RYR2: variants seen among roughly 807,000 people sequenced by gnomAD.
RYR2 encodes the protein cardiac muscle ryanodine receptor-calcium release channel.
RYR2 carries 227 observed loss-of-function variants against 601.1 expected under a neutral mutation model. The ratio of observed to expected loss-of-function variants is 0.38; its 90% CI spans 0.34 to 0.42. RYR2 has a LOEUF of 0.42. Among genes scored for constraint, RYR2 ranks in the 10% least tolerant of loss-of-function variants. RYR2 has a pLI of 1.00. For synonymous variants in RYR2, 2,223 were observed against 2,175.1 expected (o/e 1.02, Z -0.61); for missense variants, 4,646 against 6,156.5 (o/e 0.75, Z 8.21).
chr1:237,304,719 G>A (rs1693699970), intron 2 of RYR2, among the ~76,000 whole-genome samples: 1 of 139,626 alleles, frequency 7.2e-6, no homozygotes, highest in Admixed American at 7.2e-5. Context: ...CCATTCAAGA[G>A]CCATGAACTT....
chr1:237,688,800 A>C (rs1686675444), intron 63 of RYR2, among the ~76,000 whole-genome samples: 1 of 152,194 alleles, frequency 6.6e-6, no homozygotes, highest in Non-Finnish European at 1.5e-5. Flanking sequence ...AGTGCTATCT[A>C]ATTATACATA....
rs189902563 is a variant in RYR2 at position 237,529,727 on chromosome 1, C to T, written c.2823-700C>T. Among the ~76,000 whole-genome samples the T allele has an allele frequency of 1.8e-3, 256 of 145,380 alleles. 2 individuals are homozygous for T. The highest frequency in any genetic ancestry group is 3.4e-3 in the Non-Finnish European group (228 of 66,512). On this transcript the variant is annotated intron_variant, in intron 24 of 104. Coordinates refer to ENST00000366574, the MANE Select transcript of RYR2 (RefSeq NM_001035.3). ...TGTCTCAAAATGTCTCCTGTATATACGCATTTCTATAAAAGGTAAAACAAT... is the reference window on the plus strand; with the variant it reads ...TGTCTCAAAATGTCTCCTGTATATATGCATTTCTATAAAAGGTAAAACAAT...
At chr1:237,523,825 C>G (rs1459715990) in intron 24 of RYR2, among the ~76,000 whole-genome samples, 1 of 151,770 alleles carries the variant, frequency 6.6e-6, no homozygotes, top group Non-Finnish European at 1.5e-5. Context: ...TGTTACACAT[C>G]ATCAGTCAGA....
intron 23 of RYR2, 98 bp downstream of exon 23, chr1:237,506,912 GT>G: frequency 1.0e-6 from 1 of 994,190 alleles, no homozygotes. Context: ...ACATCAATCA[GT>G]TAGTTGGATT....
chr1:237,425,588 C>T lies in RYR2; in HGVS notation c.1005+2340C>T, dbSNP rs545736788. Among the ~76,000 whole-genome samples, 3 of 151,580 alleles carry T rather than the reference C, an allele frequency of 2.0e-5. No homozygotes were observed. The East Asian group carries it at 5.8e-4, about 29-fold the overall frequency. The stretch of plus-strand genomic sequence containing the variant: ...GGCAGAGGATGCAGTTAGCTGAGAT[C>T]GTGCCACTGCAGTCCAGCCTGGGCG... On this transcript the variant is annotated intron_variant, in intron 12 of 104. Coordinates refer to ENST00000366574, the MANE Select transcript of RYR2 (RefSeq NM_001035.3).
chr1:237,588,275 A>T (rs1196654344), intron 29 of RYR2, among the ~76,000 whole-genome samples: 2 of 152,158 alleles, frequency 1.3e-5, no homozygotes, highest in East Asian at 3.9e-4. Flanking sequence ...GGGTAAAATC[A>T]TTATGAATTA....
intron 2 of RYR2, among the ~76,000 whole-genome samples, chr1:237,295,459 T>A (rs553336318): frequency 1.4e-4 from 22 of 152,260 alleles, no homozygotes; most frequent in Admixed American, 6.5e-4. Context: ...AAATACAGAT[T>A]AAATTCCTTA....
At chr1:237,306,433 C>T (rs1224850286) in intron 2 of RYR2, among the ~76,000 whole-genome samples, 1 of 152,146 alleles carries the variant, frequency 6.6e-6, no homozygotes, top group East Asian at 1.9e-4. Flanking sequence ...ACTATTCTAT[C>T]ATTTAATCTA....
rs200584911 is a variant in RYR2 at position 237,345,490 on chromosome 1, AT to A, written c.274-10474del. ...AATAAAAAATAAAAAATAAAAAAAA[AT>A]ATATATATGTACTATGTACATATCC... is the stretch of plus-strand genomic sequence containing the variant. On this transcript the variant is annotated intron_variant, in intron 3 of 104. Coordinates refer to ENST00000366574, the MANE Select transcript of RYR2 (RefSeq NM_001035.3). Among the ~76,000 whole-genome samples, 95 of 150,462 alleles carry A rather than the reference AT, an allele frequency of 6.3e-4. No individual in the cohort carries two copies. In the East Asian group the frequency reaches 9.5e-3, roughly 15 times the overall value.
intron 3 of RYR2, chr1:237,333,624 C>T (rs1346914785): frequency 2.2e-6 from 1 of 455,930 alleles, no homozygotes; most frequent in African/African-American, 2.0e-5. Context: ...AGCTAGATAT[C>T]ATGTCTGATG....
chr1:237,288,160 G>A (rs1572483821), intron 2 of RYR2, among the ~76,000 whole-genome samples: 1 of 152,166 alleles, frequency 6.6e-6, no homozygotes, highest in African/African-American at 2.4e-5. Context: ...CCCATGATGT[G>A]AACCTTCTAT....
At chr1:237,201,111 T>A (rs1681145826) in intron 1 of RYR2, among the ~76,000 whole-genome samples, 2 of 152,234 alleles carry the variant, frequency 1.3e-5, no homozygotes, top group South Asian at 4.1e-4. Context: ...ATCCTTTTCT[T>A]GAGTTCTGAT....
chr1:237,388,993 G>A (rs906866763), intron 10 of RYR2, among the ~76,000 whole-genome samples: 1 of 151,948 alleles, frequency 6.6e-6, no homozygotes, highest in Admixed American at 6.6e-5. Flanking sequence ...AAAATTAAGA[G>A]TCATTTAACC....
chr1:237,217,411 T>C (rs1465324696), intron 1 of RYR2, among the ~76,000 whole-genome samples: 1 of 152,086 alleles, frequency 6.6e-6, no homozygotes, highest in African/African-American at 2.4e-5. Flanking sequence ...TACTTTTGGA[T>C]ATCAGCTAGT....
chr1:237,297,343 G>A (rs969104763), intron 2 of RYR2, among the ~76,000 whole-genome samples: 2 of 152,030 alleles, frequency 1.3e-5, no homozygotes, highest in African/African-American at 4.8e-5. Flanking sequence ...ACAAACTGCA[G>A]GAACAGATAA....
chr1:237,378,173 A>T (rs1558713801), intron 8 of RYR2, among the ~76,000 whole-genome samples: 1 of 152,222 alleles, frequency 6.6e-6, no homozygotes, highest in South Asian at 2.1e-4. Context: ...CATGAGACTT[A>T]TTCACTATCA....
chr1:237,220,938 T>TA (rs1005528880), intron 1 of RYR2, among the ~76,000 whole-genome samples: 1 of 151,648 alleles, frequency 6.6e-6, no homozygotes, highest in African/African-American at 2.4e-5. Flanking sequence ...AAAATAGTAA[T>TA]AAAAAAATGT....
intron 2 of RYR2, among the ~76,000 whole-genome samples, chr1:237,315,656 A>T (rs539562660): frequency 6.6e-6 from 1 of 152,338 alleles, no homozygotes; most frequent in South Asian, 2.1e-4. Flanking sequence ...CCAGTAGCTT[A>T]TAAAGTCAGG....
chr1:237,480,431 C>T (rs970106889), intron 17 of RYR2, among the ~76,000 whole-genome samples: 5 of 149,096 alleles, frequency 3.4e-5, no homozygotes, highest in African/African-American at 1.2e-4. Context: ...GATTTCCTAT[C>T]TGGCATTCAA....
Sources: allele counts gnomAD v4.1 joint callset (sites outside exome capture counted in the v4.1 genomes callset), GRCh38; gene constraint gnomAD v4.1.1; transcripts MANE v1.5; gene names NCBI Gene and HGNC (gene_info 2026-07-23, HGNC 2026-07-21).